The following IL12RB2 variants were observed in gnomAD, a reference collection of about 807,000 sequenced individuals.
IL12RB2 encodes the protein interleukin-12 receptor subunit beta-2.
A neutral mutation model predicts 89.4 loss-of-function variants in IL12RB2; 82 were observed. That is an observed-to-expected ratio of 0.92 (90% CI 0.77 to 1.10). The LOEUF (loss-of-function observed/expected upper bound fraction) is 1.10. IL12RB2 is among the 50% of genes least tolerant of loss of function. The probability of loss-of-function intolerance (pLI) is 0.00; values close to 1 mark genes in which losing one functional copy is unlikely to be tolerated. For synonymous variants in IL12RB2, 368 were observed against 370.1 expected (o/e 0.99, Z 0.07); for missense variants, 963 against 1,031.9 (o/e 0.93, Z 0.92).
chr1:67,389,011 T>C (rs1665524567), intron 15 of IL12RB2, among the ~76,000 whole-genome samples: 1 of 152,022 alleles, frequency 6.6e-6, no homozygotes, highest in Non-Finnish European at 1.5e-5. Flanking sequence ...TTCATGGAAA[T>C]TGTGAAGATC....
In IL12RB2 at chr1:67,390,144, T is replaced by C. The variant is rs185194923; in HGVS notation, c.2046+16T>C. The C allele has an allele frequency of 8.4e-6, 8 of 957,284 alleles. No homozygotes were observed. Among genetic ancestry groups the C allele is most frequent in the Admixed American group, 6.8e-5 (4 of 59,246 alleles). The allele number at this position is 957,284 out of a possible 1,614,324, so 59.3% of individuals were successfully genotyped here. ...CATTGCAGAGGTAAGGTACAATTCC[T>C]CTGTGGTCAGTCAGTGGAGTTCTAG... On this transcript the variant is annotated intron_variant, in intron 16 of 16. Coordinates refer to ENST00000674203, the MANE Select transcript of IL12RB2 (RefSeq NM_001374259.2).
intron 14 of IL12RB2, among the ~76,000 whole-genome samples, chr1:67,386,321 T>C (rs1046074963): frequency 9.9e-5 from 15 of 152,120 alleles, no homozygotes; most frequent in African/African-American, 3.4e-4. Context: ...AACTGTACTT[T>C]GCATTCCGTA....
Position 67,349,970 on chromosome 1 carries a change from C to T in IL12RB2, c.1039-900C>T, listed in dbSNP as rs535868577. 7.2e-5 allele frequency among the ~76,000 whole-genome samples: 11 copies of T among 152,312 alleles called. No homozygotes were observed. In the South Asian group the frequency reaches 8.3e-4, roughly 11 times the overall value. On this transcript the variant is annotated intron_variant, in intron 9 of 16. Coordinates refer to ENST00000674203, the MANE Select transcript of IL12RB2 (RefSeq NM_001374259.2). ...AGGAAACCAAATTATTAGAAGAGTG[C>T]TTGGTGAGCAGGGAACCCAGGCAAG...
intron 11 of IL12RB2, among the ~76,000 whole-genome samples, chr1:67,369,769 G>A (rs1472028759): frequency 1.3e-5 from 2 of 152,166 alleles, no homozygotes; most frequent in Non-Finnish European, 2.9e-5. Context: ...GCTGGGCGCG[G>A]TGGCTCACGC....
At chr1:67,320,307 T>C in intron 2 of IL12RB2, 26 bp from the exon 3 acceptor site, 1 of 1,613,162 alleles carries the variant, frequency 6.2e-7, no homozygotes, top group Non-Finnish European at 8.5e-7. Flanking sequence ...ATATTTAACA[T>C]GAATGAATTT....
chr1:67,398,209 C>A lies in IL12RB2; in HGVS notation c.*2120C>A, dbSNP rs991423426. Among the ~76,000 whole-genome samples, 1 of 152,054 alleles carries A rather than the reference C, an allele frequency of 6.6e-6. No homozygotes were observed. Among genetic ancestry groups the A allele is most frequent in the African/African-American group, 2.4e-5 (1 of 41,396 alleles). The stretch of plus-strand genomic sequence containing the variant: ...GGACATGCCCTTGACTGGCACAAAC[C>A]GTGACAGACATGCCCTTGACTGGCA... On this transcript the variant is annotated 3_prime_UTR_variant, in exon 17 of 17. Coordinates refer to ENST00000674203, the MANE Select transcript of IL12RB2 (RefSeq NM_001374259.2).
Position 67,390,040 on chromosome 1 carries a change from TCCTAGCAG to T in IL12RB2, c.1961_1968del (p.Leu654ProfsTer7), listed in dbSNP as rs1344591775. On this transcript the variant is annotated frameshift_variant, in exon 16 of 17. Transcript: ENST00000674203. LOFTEE classifies it high-confidence loss of function. ...TTCTTTATCTATAGGGTGTTTGTTC[TCCTAGCAG>T]CCCTCAGACCTCAGTGGTGTAGCAG... The T allele has an allele frequency of 7.9e-7, 1 of 1,258,686 alleles. No individual in the cohort carries two copies. The highest frequency in any genetic ancestry group is 1.7e-5 in the Admixed American group (1 of 59,612). The allele number at this position is 1,258,686 out of a possible 1,614,324, so 78.0% of individuals were successfully genotyped here. A position where few individuals can be genotyped will look rare whatever the true frequency, so the allele number is the denominator to read the frequency against.
In IL12RB2 at chr1:67,395,320, G is replaced by A. The variant is rs545454630; in HGVS notation, c.2047-227G>A. On this transcript the variant is annotated intron_variant, in intron 16 of 16. Coordinates refer to ENST00000674203, the MANE Select transcript of IL12RB2 (RefSeq NM_001374259.2). ...AACAGGTTGAAGGTTGAGCAGGGCT[G>A]TGAATCACTCACTGGCTGGGGGTTG... is the stretch of plus-strand genomic sequence containing the variant. Among the ~76,000 whole-genome samples the A allele has an allele frequency of 2.6e-3, 391 of 152,038 alleles. 1 individual carries two copies. The highest frequency in any genetic ancestry group is 9.1e-3 in the African/African-American group (377 of 41,482).
intron 10 of IL12RB2, among the ~76,000 whole-genome samples, chr1:67,359,377 C>T (rs1189324860): frequency 2.6e-5 from 4 of 152,128 alleles, no homozygotes; most frequent in African/African-American, 9.7e-5. Context: ...CACTTATGAA[C>T]CTTGACACAT....
intron 1 of IL12RB2, among the ~76,000 whole-genome samples, chr1:67,309,068 A>G (rs551065667): frequency 2.6e-5 from 4 of 151,990 alleles, no homozygotes; most frequent in Admixed American, 2.6e-4. Flanking sequence ...ATACACACAC[A>G]CACATACACA....
chr1:67,354,861 G>A (rs1426208422), intron 10 of IL12RB2, among the ~76,000 whole-genome samples: 1 of 152,208 alleles, frequency 6.6e-6, no homozygotes, highest in African/African-American at 2.4e-5. Flanking sequence ...GATTTATGCT[G>A]ATTTTGAGAG....
intron 9 of IL12RB2, among the ~76,000 whole-genome samples, chr1:67,342,803 AGGCT>A: frequency 8.2e-6 from 1 of 122,524 alleles, no homozygotes; most frequent in Non-Finnish European, 1.7e-5. Context: ...TCTGTCCCCC[AGGCT>A]GAAGTGTGGT....
intron 10 of IL12RB2, among the ~76,000 whole-genome samples, chr1:67,355,271 A>G (rs2100875588): frequency 6.6e-6 from 1 of 152,022 alleles, no homozygotes; most frequent in South Asian, 2.1e-4. Context: ...AAAATTAGCC[A>G]GGTGTGGTAG....
Position 67,386,651 on chromosome 1 carries a change from C to T in IL12RB2, c.1928C>T (p.Thr643Met), listed in dbSNP as rs201465672. The T allele has an allele frequency of 4.3e-5, 70 of 1,611,576 alleles. No individual in the cohort carries two copies. The highest frequency in any genetic ancestry group is 3.3e-4 in the Middle Eastern group (2 of 6,054). ...ATCATCATGGTGGGCATTTTCTCAA[C>T]GCATTACTTCCAGCAAAAGTGAGTT... is the stretch of plus-strand genomic sequence containing the variant. ...IAIIMVGIFS[T>M]HYFQQKVFVL... Residue 643 changes from threonine to methionine, a missense_variant, in exon 15 of 17, where the codon ACG (threonine) becomes ATG (methionine). Physicochemically the swap from Thr to Met is moderately conservative, Grantham distance 81. Coordinates refer to ENST00000674203, the MANE Select transcript of IL12RB2 (RefSeq NM_001374259.2).
chr1:67,380,673 C>G (rs1311109473), intron 14 of IL12RB2, among the ~76,000 whole-genome samples: 1 of 152,226 alleles, frequency 6.6e-6, no homozygotes, highest in Non-Finnish European at 1.5e-5. Flanking sequence ...TCTCACAGTT[C>G]TAGAGGCTAG....
intron 9 of IL12RB2, among the ~76,000 whole-genome samples, chr1:67,349,355 C>A (rs1355744576): frequency 6.6e-6 from 1 of 152,138 alleles, no homozygotes; most frequent in Non-Finnish European, 1.5e-5. Flanking sequence ...TCTGGACTTG[C>A]AGAAGAGACA....
intron 11 of IL12RB2, among the ~76,000 whole-genome samples, chr1:67,372,067 C>CGTGT (rs112351422): frequency 0.66 from 99,629 of 151,210 alleles, 33,421 homozygotes; most frequent in South Asian, 0.73. Context: ...AGTCTGGGTG[C>CGTGT]GTGTGTGTGT....
intron 10 of IL12RB2, among the ~76,000 whole-genome samples, chr1:67,356,442 A>C (rs146690805): frequency 4.6e-5 from 7 of 152,306 alleles, no homozygotes; most frequent in African/African-American, 1.7e-4. Context: ...GCTGGGAGCA[A>C]AGAGTGCCTG....
chr1:67,375,788 C>G (rs1465191067), intron 13 of IL12RB2, among the ~76,000 whole-genome samples: 5 of 151,930 alleles, frequency 3.3e-5, no homozygotes, highest in African/African-American at 9.7e-5. Flanking sequence ...GGAAGCTTGT[C>G]CATATTGCCA....
Sources: gnomAD v4.1 joint callset for allele counts (sites outside exome capture counted in the v4.1 genomes callset) on GRCh38, gnomAD v4.1.1 for gene constraint, MANE v1.5 for transcripts, NCBI Gene and HGNC (gene_info 2026-07-23, HGNC 2026-07-21) for gene names.